RPS19: variants seen among roughly 807,000 people sequenced by gnomAD.
RPS19 encodes the protein ribosomal protein S19.
A neutral mutation model predicts 20.3 loss-of-function variants in RPS19; 1 was observed. That is an observed-to-expected ratio of 0.05 (90% CI 0.02 to 0.23). RPS19 has a LOEUF of 0.23. RPS19 is among the 10% of genes least tolerant of loss of function. RPS19 has a pLI of 1.00. For missense variants in RPS19, 111 were observed against 192.7 expected, an observed-to-expected ratio of 0.58 and a Z score of 2.51; for synonymous variants, 87 against 74.8, an observed-to-expected ratio of 1.16 and a Z score of -0.84.
At chr19:41,860,549 C>T (rs554326144) in intron 1 of RPS19, 2 of 584,726 alleles carry the variant, frequency 3.4e-6, no homozygotes, top group Admixed American at 2.8e-5. Flanking sequence ...GCAGGATCCT[C>T]ACACGCAGGG....
Position 41,872,813 on chromosome 19 carries a change from C to G in RPS19, c.*1436C>G, listed in dbSNP as rs1428462152. The G allele has an allele frequency of 1.3e-5, 2 of 152,072 alleles. No individual in the cohort carries two copies. The highest frequency in any genetic ancestry group is 6.6e-5 in the Admixed American group (1 of 15,234). 9.4% of individuals were successfully genotyped at this position (152,072 alleles called of 1,614,324 possible). The stretch of plus-strand genomic sequence containing the variant: ...AGGAGGCTGAGGCAGAAGAATCGCT[C>G]GAACCCCGGAGGCGGAGGTTGCAGT... On this transcript the variant is annotated 3_prime_UTR_variant, in exon 6 of 6. Coordinates refer to ENST00000598742, the MANE Select transcript of RPS19 (RefSeq NM_001022.4).
chr19:41,863,684 TG>T (rs1459688586), intron 3 of RPS19, among the ~76,000 whole-genome samples: 2 of 151,780 alleles, frequency 1.3e-5, no homozygotes, highest in Non-Finnish European at 2.9e-5. Context: ...GGTCTGGAAA[TG>T]GAGCAGAGCT....
intron 3 of RPS19, chr19:41,863,816 GGT>G (rs1555839858): frequency 6.6e-6 from 1 of 151,956 alleles, no homozygotes; most frequent in African/African-American, 2.4e-5. Context: ...TTATGAAGGG[GGT>G]GGTGCAGTGT....
intron 4 of RPS19, 68 bp from the exon 5 acceptor site, chr19:41,869,631 C>CAGGAGG (rs1555841517): frequency 1.3e-6 from 2 of 1,557,154 alleles, no homozygotes; most frequent in East Asian, 4.5e-5. Flanking sequence ...GGCTCACAGC[C>CAGGAGG]AGGAGGGAAG....
rs370939646 is a variant in RPS19, at chr19:41,872,764, G to T, written c.*1387G>T. ...ACCAAAATTAGTTGGGCATGGTGGC[G>T]CGCACCTGTAATCCCAGCTACTCAG... is the stretch of plus-strand genomic sequence containing the variant. On this transcript the variant is annotated 3_prime_UTR_variant, in exon 6 of 6. Coordinates refer to ENST00000598742, the MANE Select transcript of RPS19 (RefSeq NM_001022.4). The T allele has an allele frequency of 6.6e-6, 1 of 152,146 alleles. No homozygotes were observed. Among genetic ancestry groups the T allele is most frequent in the Non-Finnish European group, 1.5e-5 (1 of 68,052 alleles). 9.4% of individuals were successfully genotyped at this position (152,146 alleles called of 1,614,324 possible). A position where few individuals can be genotyped will look rare whatever the true frequency, so the allele number is the denominator to read the frequency against.
chr19:41,860,727 A>G (rs2074019165), intron 1 of RPS19, 48 bp from the exon 2 acceptor site: 3 of 1,388,382 alleles, frequency 2.2e-6, no homozygotes, highest in Non-Finnish European at 3.1e-6. Context: ...TGCTCTTGGC[A>G]GTCGTCTCTG....
chr19:41,865,363 CAAA>C (rs11445219), intron 3 of RPS19, among the ~76,000 whole-genome samples: 6 of 130,682 alleles, frequency 4.6e-5, no homozygotes, highest in Non-Finnish European at 6.5e-5. Context: ...GAGACTGTCT[CAAA>C]AAAAAAAAAA....
Position 41,869,707 on chromosome 19 carries a change from A to G in RPS19, c.365A>G (p.Lys122Arg), listed in dbSNP as rs782437157. Residue 122 changes from lysine to arginine, a missense_variant, in exon 5 of 6, where the codon AAA becomes AGA. Coordinates refer to ENST00000598742, the MANE Select transcript of RPS19 (RefSeq NM_001022.4). The stretch of plus-strand genomic sequence containing the variant: ...CCCTTCCCTCCCCACAGCGGCCGCA[A>G]ACTGACACCTCAGGGACAAAGAGAT... ...MVEKDQDGGR[K>R]LTPQGQRDLD... 5 of 1,614,032 alleles carry G rather than the reference A, an allele frequency of 3.1e-6. No homozygotes were observed. The East Asian group carries it at 6.7e-5, about 22-fold the overall frequency.
Position 41,870,848 on chromosome 19 carries a change from C to CTTTTTTTTTTTTTTTTTTTT in RPS19, c.412-503_412-502insTTTTTTTTTTTTTTTTTTTT, listed in dbSNP as rs2074139987. Among the ~76,000 whole-genome samples, 14 of 85,764 alleles carry CTTTTTTTTTTTTTTTTTTTT rather than the reference C, an allele frequency of 1.6e-4. 5 individuals are homozygous for CTTTTTTTTTTTTTTTTTTTT. Among genetic ancestry groups the CTTTTTTTTTTTTTTTTTTTT allele is most frequent in the South Asian group, 1.3e-3 (3 of 2,320 alleles). 56.3% of individuals were successfully genotyped at this position (85,764 alleles called of 152,430 possible). Reference sequence around the variant, plus strand: ...TTGGACTCCACTCCGCCACTCCCTTCCTTTTTTTTTTTTTTTTTTTTTTTT... The same window carrying CTTTTTTTTTTTTTTTTTTTT: ...TTGGACTCCACTCCGCCACTCCCTTCTTTTTTTTTTTTTTTTTTTTCTTTTTTTTTTTTTTTTTTTTTTTT... On this transcript the variant is annotated intron_variant, in intron 5 of 5. Coordinates refer to ENST00000598742, the MANE Select transcript of RPS19 (RefSeq NM_001022.4).
chr19:41,860,686 CGCTGGAGCG>C (rs2123255463), intron 1 of RPS19, 80 bp from the exon 2 acceptor site: 1 of 988,074 alleles, frequency 1.0e-6, no homozygotes, highest in African/African-American at 1.6e-5. Flanking sequence ...GTTTAGGATG[CGCTGGAGCG>C]AAAGGATTGG....
Position 41,871,434 on chromosome 19 carries a change from T to C in RPS19, c.*57T>C. 6.7e-7 allele frequency: 1 copy of C among 1,500,702 alleles called. No individual in the cohort carries two copies. Among genetic ancestry groups the C allele is most frequent in the Non-Finnish European group, 9.3e-7 (1 of 1,078,238 alleles). The allele number at this position is 1,500,702 out of a possible 1,614,324, so 93.0% of individuals were successfully genotyped here. A position where few individuals can be genotyped will look rare whatever the true frequency, so the allele number is the denominator to read the frequency against. ...ATTCGTAATCCTGGTCTGGGTCTCTTTTTTGAGTCTCTTGCTCTGTCGCCC... is the reference window on the plus strand; with the variant it reads ...ATTCGTAATCCTGGTCTGGGTCTCTCTTTTGAGTCTCTTGCTCTGTCGCCC... On this transcript the variant is annotated 3_prime_UTR_variant, in exon 6 of 6. Transcript: ENST00000598742.
intron 3 of RPS19, among the ~76,000 whole-genome samples, chr19:41,865,129 G>T (rs1010722937): frequency 2.0e-5 from 3 of 152,136 alleles, no homozygotes; most frequent in Non-Finnish European, 4.4e-5. Context: ...GCCTTTGGGA[G>T]GCCAAGGCAG....
chr19:41,869,197 G>A lies in RPS19; in HGVS notation c.339G>A (p.Val113=). 1 of 1,613,544 alleles carries A rather than the reference G, an allele frequency of 6.2e-7. No homozygotes were observed. Among genetic ancestry groups the A allele is most frequent in the Non-Finnish European group, 8.5e-7 (1 of 1,179,820 alleles). ...AAGCCCTGGAGGGGCTGAAAATGGT[G>A]GAAAAGGACCAAGATGGGTAAGCAG... ...VLQALEGLKM[V]EKDQDGGRKL... is the part of the protein sequence containing the mutation. Residue 113 remains valine, a synonymous_variant, in exon 4 of 6, where the codon GTG becomes GTA. Coordinates refer to ENST00000598742, the MANE Select transcript of RPS19 (RefSeq NM_001022.4).
chr19:41,871,991 T>A lies in RPS19; in HGVS notation c.*614T>A, dbSNP rs1334571799. ...CACTAACTTTCCTGGGCCTGGGGCC[T>A]GCACAGGCTGAATGGTCCTTGAGCC... On this transcript the variant is annotated 3_prime_UTR_variant, in exon 6 of 6. Coordinates refer to ENST00000598742, the MANE Select transcript of RPS19 (RefSeq NM_001022.4). 6.4e-6 allele frequency: 1 copy of A among 155,882 alleles called. No individual in the cohort carries two copies. Among genetic ancestry groups the A allele is most frequent in the East Asian group, 1.9e-4 (1 of 5,262 alleles). The allele number at this position is 155,882 out of a possible 1,614,324, so 9.7% of individuals were successfully genotyped here. A position where few individuals can be genotyped will look rare whatever the true frequency, so the allele number is the denominator to read the frequency against.
intron 3 of RPS19, among the ~76,000 whole-genome samples, chr19:41,863,269 C>T (rs181949497): frequency 6.6e-6 from 1 of 152,280 alleles, no homozygotes; most frequent in Admixed American, 6.5e-5. Flanking sequence ...CCTTCCAAAG[C>T]ACTGGGATTA....
chr19:41,870,044 A>G (rs2074130943), intron 5 of RPS19, among the ~76,000 whole-genome samples: 2 of 152,108 alleles, frequency 1.3e-5, no homozygotes, highest in South Asian at 2.1e-4. Flanking sequence ...GGAGTTCAAG[A>G]CCATTCTGAC....
chr19:41,869,542 G>GC (rs1412179174), intron 4 of RPS19, 157 bp from the exon 5 acceptor site: 35 of 733,514 alleles, frequency 4.8e-5, no homozygotes, highest in Non-Finnish European at 5.5e-5. Context: ...TCCCACTACT[G>GC]CCCCCAGCTC....
intron 3 of RPS19, chr19:41,861,610 AATT>A (rs1219299175): frequency 3.0e-6 from 1 of 337,664 alleles, no homozygotes; most frequent in Non-Finnish European, 5.8e-6. Context: ...AAATGGGACT[AATT>A]ATTGTACCAG....
rs543194221 is a variant in RPS19, at chr19:41,872,376, T to A, written c.*999T>A. ...TATTCCTGGGATCTGACCCATTTCC[T>A]GGAAAGGGGCGAGCCTGGGTTTTGA... On this transcript the variant is annotated 3_prime_UTR_variant, in exon 6 of 6. Coordinates refer to ENST00000598742, the MANE Select transcript of RPS19 (RefSeq NM_001022.4). 6.6e-6 allele frequency: 1 copy of A among 152,290 alleles called. No homozygotes were observed. 9.4% of individuals were successfully genotyped at this position (152,290 alleles called of 1,614,324 possible). A position where few individuals can be genotyped will look rare whatever the true frequency, so the allele number is the denominator to read the frequency against.
Sources: gnomAD v4.1 joint callset for allele counts (sites outside exome capture counted in the v4.1 genomes callset) on GRCh38, gnomAD v4.1.1 for gene constraint, MANE v1.5 for transcripts, NCBI Gene and HGNC (gene_info 2026-07-23, HGNC 2026-07-21) for gene names.